MYO10: variants seen among roughly 807,000 people sequenced by gnomAD.
The protein encoded by MYO10 is unconventional myosin-X.
Under a neutral mutation model 257.3 loss-of-function variants are expected in MYO10, and 133 were observed. That is an observed-to-expected ratio of 0.52 (90% confidence interval 0.45 to 0.60). MYO10 has a LOEUF of 0.60. MYO10 is among the 20% of genes least tolerant of loss of function. MYO10 has a pLI of 0.00. For synonymous variants in MYO10, 1,104 were observed against 1,028.6 expected (o/e 1.07, Z -1.40); for missense variants, 2,399 against 2,635.7 (o/e 0.91, Z 1.97).
At chr5:16,839,432 T>C (rs868439348) in intron 2 of MYO10, among the ~76,000 whole-genome samples, 2 of 152,242 alleles carry the variant, frequency 1.3e-5, no homozygotes, top group Non-Finnish European at 1.5e-5. Context: ...ACTGATTTGC[T>C]GCAATCTCAT....
intron 29 of MYO10, 62 bp downstream of exon 29, chr5:16,685,676 T>C (rs1737218908): frequency 8.1e-7 from 1 of 1,242,158 alleles, no homozygotes; most frequent in African/African-American, 1.5e-5. Flanking sequence ...TTTACCATCC[T>C]GACGCCCTCC....
chr5:16,929,851 T>C (rs1370260276), intron 1 of MYO10, among the ~76,000 whole-genome samples: 1 of 152,172 alleles, frequency 6.6e-6, no homozygotes, highest in Non-Finnish European at 1.5e-5. Flanking sequence ...CCACAGATAC[T>C]GAGTACAGGG....
intron 9 of MYO10, among the ~76,000 whole-genome samples, chr5:16,774,082 G>A (rs1741140688): frequency 6.6e-6 from 1 of 152,084 alleles, no homozygotes; most frequent in African/African-American, 2.4e-5. Context: ...CCACTTCAAG[G>A]CTTATTATAA....
At chr5:16,713,528 G>A (rs925527503) in intron 19 of MYO10, 1 of 976,008 alleles carries the variant, frequency 1.0e-6, no homozygotes, top group Non-Finnish European at 1.2e-6. Flanking sequence ...GTGTGGTGTG[G>A]TTGTAGGATT....
Position 16,665,604 on chromosome 5 carries a change from AAGAC to A in MYO10, c.*1084_*1087del, listed in dbSNP as rs1736127645. The A allele has an allele frequency of 6.6e-6, 1 of 152,242 alleles. No homozygotes were observed. Among genetic ancestry groups the A allele is most frequent in the Non-Finnish European group, 1.5e-5 (1 of 68,030 alleles). The allele number at this position is 152,242 out of a possible 1,614,324, so 9.4% of individuals were successfully genotyped here. On this transcript the variant is annotated 3_prime_UTR_variant, in exon 41 of 41. Coordinates refer to ENST00000513610, the MANE Select transcript of MYO10 (RefSeq NM_012334.3). The stretch of plus-strand genomic sequence containing the variant: ...TCCTTTGAAGATTCACTCAAGTGTT[AAGAC>A]GTTTCTGGAATGCAGCGTCTCTCCC...
At position 16,796,474 on chromosome 5, in the gene MYO10, A is replaced by AAAGAAAGAAAGAAAGAAAG. The variant is rs1276170429; in HGVS notation, c.280-1642_280-1641insCTTTCTTTCTTTCTTTCTT. Among the ~76,000 whole-genome samples, 587 of 130,040 alleles carry AAAGAAAGAAAGAAAGAAAG rather than the reference A, an allele frequency of 4.5e-3. 2 individuals carry two copies. Among genetic ancestry groups the AAAGAAAGAAAGAAAGAAAG allele is most frequent in the East Asian group, 0.013 (48 of 3,838 alleles). 85.3% of individuals were successfully genotyped at this position (130,040 alleles called of 152,430 possible). On this transcript the variant is annotated intron_variant, in intron 3 of 40. Transcript: ENST00000513610. Reference sequence around the variant, plus strand: ...AAAGAAAGAAAGAAAGAAAGAAAAGAAAAGAAAAGAAAGAAAGAAAGAAGG... The same window carrying AAAGAAAGAAAGAAAGAAAG: ...AAAGAAAGAAAGAAAGAAAGAAAAGAAAGAAAGAAAGAAAGAAAGAAAGAAAAGAAAGAAAGAAAGAAGG...
intron 4 of MYO10, among the ~76,000 whole-genome samples, chr5:16,788,157 C>T (rs1157934221): frequency 9.9e-5 from 15 of 151,984 alleles, no homozygotes; most frequent in Admixed American, 9.8e-4. Context: ...TCAGGGAGAC[C>T]AAAAAGGTGA....
chr5:16,769,942 G>A (rs1367216901), intron 9 of MYO10, among the ~76,000 whole-genome samples: 3 of 151,900 alleles, frequency 2.0e-5, no homozygotes, highest in African/African-American at 7.3e-5. Context: ...GTTTTGTTTT[G>A]TTTTGTTTGT....
At chr5:16,797,144 T>C (rs1741995760) in intron 3 of MYO10, among the ~76,000 whole-genome samples, 1 of 152,208 alleles carries the variant, frequency 6.6e-6, no homozygotes, top group African/African-American at 2.4e-5. Flanking sequence ...AATAAGTCCA[T>C]ACAGGTTGAG....
chr5:16,865,240 CT>C (rs1744211693), intron 2 of MYO10, among the ~76,000 whole-genome samples: 1 of 152,122 alleles, frequency 6.6e-6, no homozygotes. Context: ...TTTCCCTTTA[CT>C]TTTAGGGTGG....
At chr5:16,771,653 C>T (rs1207583436) in intron 9 of MYO10, among the ~76,000 whole-genome samples, 1 of 150,638 alleles carries the variant, frequency 6.6e-6, no homozygotes, top group Non-Finnish European at 1.5e-5. Flanking sequence ...GATCAAGGCT[C>T]ACTGCAGCCT....
Position 16,670,719 on chromosome 5 carries a change from G to A in MYO10, c.5690C>T (p.Ser1897Phe). 1.2e-6 allele frequency: 2 copies of A among 1,614,022 alleles called. No individual in the cohort carries two copies. Among genetic ancestry groups the A allele is most frequent in the Non-Finnish European group, 1.7e-6 (2 of 1,179,896 alleles). The change falls in exon 39 of 41, where the codon TCC (serine) becomes TTC (phenylalanine). Residue 1897 changes from serine to phenylalanine, a missense_variant. By Grantham distance (155) the Ser-to-Phe change is radical. Around this residue, in one of 3 missense-constraint regions of MYO10, gnomAD observed 1,820 missense variants for 1,939.4 expected, o/e 0.94. Transcript: ENST00000513610. ...CTCCTCGACCTTCTGCCGGACCACG[G>A]ATCCTGTCCGGAAGCTCCGCCTCAG... ...GTLRRSFRTGSVVRQKVEEEQ... is the reference protein window; with the variant it reads ...GTLRRSFRTGFVVRQKVEEEQ...
chr5:16,756,791 TA>T (rs1431257461), intron 18 of MYO10, among the ~76,000 whole-genome samples: 1 of 152,066 alleles, frequency 6.6e-6, no homozygotes, highest in South Asian at 2.1e-4. Flanking sequence ...TAGTCCAGTT[TA>T]AAGTCTCAAA....
chr5:16,912,842 A>ACACACG (rs1561055692), intron 1 of MYO10, among the ~76,000 whole-genome samples: 1 of 151,086 alleles, frequency 6.6e-6, no homozygotes, highest in African/African-American at 2.4e-5. Context: ...ACACACACAC[A>ACACACG]CACACACCAT....
intron 10 of MYO10, among the ~76,000 whole-genome samples, chr5:16,766,992 T>C (rs1740891000): frequency 6.6e-6 from 1 of 151,786 alleles, no homozygotes; most frequent in South Asian, 2.1e-4. Flanking sequence ...CCCAAAATGT[T>C]GGGATTACAA....
At chr5:16,857,322 C>A (rs144911333) in intron 2 of MYO10, among the ~76,000 whole-genome samples, 4 of 152,190 alleles carry the variant, frequency 2.6e-5, no homozygotes, top group Admixed American at 6.5e-5. Context: ...GATTCCTTTA[C>A]GGCAGCAGCA....
At chr5:16,685,348 C>A (rs2126508133) in intron 29 of MYO10, among the ~76,000 whole-genome samples, 1 of 152,116 alleles carries the variant, frequency 6.6e-6, no homozygotes, top group South Asian at 2.1e-4. Context: ...GTAGCTGGGA[C>A]TACAGGCCCA....
chr5:16,768,946 G>T (rs2126656969), intron 10 of MYO10, 128 bp downstream of exon 10: 2 of 1,188,896 alleles, frequency 1.7e-6, no homozygotes, highest in East Asian at 2.9e-5. Flanking sequence ...AAAGTGCTGG[G>T]GTTACAGGCA....
intron 19 of MYO10, chr5:16,742,056 C>T (rs1740034734): frequency 1.0e-6 from 1 of 985,296 alleles, no homozygotes; most frequent in African/African-American, 1.7e-5. Flanking sequence ...CAGGGGCAAA[C>T]TAACCATCAT....
Sources: gnomAD v4.1 joint callset for allele counts (sites outside exome capture counted in the v4.1 genomes callset) on GRCh38, gnomAD v4.1.1 for gene constraint, gnomAD v4.1.1 regional missense constraint, MANE v1.5 for transcripts, NCBI Gene and HGNC (gene_info 2026-07-23, HGNC 2026-07-21) for gene names.